TENM3: variants seen among roughly 807,000 people sequenced by gnomAD.
TENM3 encodes teneurin transmembrane protein 3.
TENM3 carries 63 observed loss-of-function variants against 255.1 expected under a neutral mutation model. The ratio of observed to expected loss-of-function variants is 0.25; its 90% CI spans 0.20 to 0.30. The LOEUF is 0.30. Ranked by LOEUF, TENM3 falls within the 10% of genes least tolerant of loss-of-function variation. The pLI is 1.00. For missense variants in TENM3, 2,929 were observed against 3,461.1 expected, an observed-to-expected ratio of 0.85 and a Z score of 3.86; for synonymous variants, 1,306 against 1,322.3, an observed-to-expected ratio of 0.99 and a Z score of 0.27.
intron 3 of TENM3, among the ~76,000 whole-genome samples, chr4:182,547,813 G>C (rs760134249): frequency 6.6e-6 from 1 of 152,046 alleles, no homozygotes; most frequent in Non-Finnish European, 1.5e-5. Context: ...AAAATTTTCT[G>C]GGAATGTTTT....
intron 3 of TENM3, among the ~76,000 whole-genome samples, chr4:182,393,572 G>A (rs903979589): frequency 8.5e-5 from 13 of 152,110 alleles, no homozygotes; most frequent in African/African-American, 3.1e-4. Flanking sequence ...CATAATAAAT[G>A]CAATAATTAA....
Position 182,200,576 on chromosome 4 carries a change from A to C in TENM3, c.-76+55822A>C, listed in dbSNP as rs1054961149. Among the ~76,000 whole-genome samples the C allele has an allele frequency of 2.0e-5, 3 of 152,222 alleles. No individual in the cohort carries two copies. In the South Asian group the frequency reaches 6.2e-4, roughly 31 times the overall value. On this transcript the variant is annotated intron_variant, in intron 1 of 2. Coordinates refer to the TENM3 transcript ENST00000512480. ...GGAGCACAGTGTCCTTGGCTAAGTT[A>C]TTCTCTACAGAAGGATGCTCTTTTT... is the stretch of plus-strand genomic sequence containing the variant.
chr4:182,057,290 A>AAG, the TENM3 span, among the ~76,000 whole-genome samples: 8,000 of 149,360 alleles, frequency 0.054, 700 homozygotes, highest in African/African-American at 0.18. Context: ...AAATTTCTCA[A>AAG]AGAGAGAGAG....
At chr4:182,254,003 C>G (rs1415796364) in intron 1 of TENM3, among the ~76,000 whole-genome samples, 1 of 152,070 alleles carries the variant, frequency 6.6e-6, no homozygotes, top group African/African-American at 2.4e-5. Flanking sequence ...TCTACATTTC[C>G]TTGTATCTTT....
At chr4:182,226,623 G>A (rs1490737221) in intron 1 of TENM3, among the ~76,000 whole-genome samples, 1 of 152,124 alleles carries the variant, frequency 6.6e-6, no homozygotes, top group Non-Finnish European at 1.5e-5. Flanking sequence ...AGGATGGAGT[G>A]GCTGAGTCTC....
chr4:182,019,334 A>G, the TENM3 span, among the ~76,000 whole-genome samples: 3 of 152,150 alleles, frequency 2.0e-5, no homozygotes, highest in African/African-American at 7.2e-5. Flanking sequence ...CTTTGCACCC[A>G]GCGCCACTGG....
the TENM3 span, among the ~76,000 whole-genome samples, chr4:181,836,401 CTTAAATAATATATTTT>C: frequency 6.6e-6 from 1 of 152,110 alleles, no homozygotes; most frequent in Non-Finnish European, 1.5e-5. Flanking sequence ...ATTTAAACTT[CTTAAATAATATATTTT>C]TTAAATAATA....
chr4:182,195,841 A>G (rs541942659), intron 1 of TENM3, among the ~76,000 whole-genome samples: 78 of 152,298 alleles, frequency 5.1e-4, no homozygotes, highest in African/African-American at 1.3e-3. Context: ...AATTATTACT[A>G]TTTATGAAGG....
At chr4:182,722,378 C>A (rs1759805079) in intron 13 of TENM3, among the ~76,000 whole-genome samples, 1 of 152,140 alleles carries the variant, frequency 6.6e-6, no homozygotes, top group South Asian at 2.1e-4. Context: ...GAACTTAATT[C>A]ATTTTTTCCT....
the TENM3 span, among the ~76,000 whole-genome samples, chr4:182,000,614 TGGTTGGTCAA>T: frequency 6.6e-6 from 1 of 152,186 alleles, no homozygotes; most frequent in East Asian, 1.9e-4. Context: ...TACCAATCCA[TGGTTGGTCAA>T]GGGCCACCCT....
At chr4:182,437,859 G>C (rs1243448031) in intron 3 of TENM3, among the ~76,000 whole-genome samples, 1 of 151,918 alleles carries the variant, frequency 6.6e-6, no homozygotes, top group Admixed American at 6.6e-5. Context: ...GGCTGAGATG[G>C]GAGGATTGCT....
At chr4:181,888,368 C>T in the TENM3 span, among the ~76,000 whole-genome samples, 1 of 150,548 alleles carries the variant, frequency 6.6e-6, no homozygotes, top group African/African-American at 2.4e-5. Flanking sequence ...CAACCTGCAC[C>T]CAGATAAACC....
chr4:181,544,387 G>A, the TENM3 span, among the ~76,000 whole-genome samples: 2 of 110,558 alleles, frequency 1.8e-5, no homozygotes, highest in Non-Finnish European at 3.4e-5. Context: ...ATACTTCAAA[G>A]CGATTTCTTT....
At chr4:182,028,565 T>G in the TENM3 span, among the ~76,000 whole-genome samples, 1 of 152,158 alleles carries the variant, frequency 6.6e-6, no homozygotes, top group Non-Finnish European at 1.5e-5. Flanking sequence ...TTTCTTCTTT[T>G]TTGATGTAGG....
chr4:182,127,166 G>A, the TENM3 span, among the ~76,000 whole-genome samples: 14 of 152,114 alleles, frequency 9.2e-5, no homozygotes, highest in African/African-American at 3.4e-4. Flanking sequence ...CACATGAGCT[G>A]CCTTCTACAT....
intron 1 of TENM3, among the ~76,000 whole-genome samples, chr4:182,298,101 T>A (rs540428223): frequency 6.6e-5 from 10 of 152,336 alleles, no homozygotes; most frequent in African/African-American, 2.4e-4. Flanking sequence ...CATCTCACTG[T>A]TCTACATTTT....
rs535507921 is a variant in TENM3, at chr4:182,614,330, A to G, written c.749+13169A>G. ...TAATACCTTTATATTAGAAAGAATC[A>G]ATCCATTTTGAACAAAATGGCCAAT... On this transcript the variant is annotated intron_variant, in intron 4 of 27. Transcript: ENST00000511685. 1.4e-3 allele frequency among the ~76,000 whole-genome samples: 206 copies of G among 152,280 alleles called. 2 individuals are homozygous for G. The highest frequency in any genetic ancestry group is 4.7e-3 in the African/African-American group (196 of 41,564).
intron 12 of TENM3, among the ~76,000 whole-genome samples, chr4:182,706,015 C>T (rs367967345): frequency 3.2e-4 from 49 of 152,252 alleles, no homozygotes; most frequent in Middle Eastern, 3.4e-3. Context: ...TAAATTCATT[C>T]GGGTTTTAAG....
the TENM3 span, among the ~76,000 whole-genome samples, chr4:181,477,373 C>T: frequency 6.6e-6 from 1 of 152,002 alleles, no homozygotes; most frequent in African/African-American, 2.4e-5. Context: ...TTACTTACTG[C>T]CATATATACT....
Sources: allele counts gnomAD v4.1 joint callset (sites outside exome capture counted in the v4.1 genomes callset), GRCh38; gene constraint gnomAD v4.1.1; transcripts MANE v1.5; gene names NCBI Gene and HGNC (gene_info 2026-07-23, HGNC 2026-07-21).